The following EFR3B variants were observed in gnomAD, a reference collection of about 807,000 sequenced individuals.
The protein encoded by EFR3B is EFR3 homolog B, also known as protein EFR3 homolog B.
EFR3B carries 64 observed loss-of-function variants against 104.7 expected under a neutral mutation model. The ratio of observed to expected loss-of-function variants is 0.61; its 90% CI spans 0.50 to 0.75. The LOEUF (loss-of-function observed/expected upper bound fraction) is 0.75. Ranked by LOEUF, EFR3B falls within the 30% of genes least tolerant of loss-of-function variation. The pLI, the probability that EFR3B is intolerant of heterozygous loss-of-function variation, is 0.00. For missense variants in EFR3B, 750 were observed against 1,078.5 expected, an observed-to-expected ratio of 0.70 and a Z score of 4.27; for synonymous variants, 385 against 417.9, an observed-to-expected ratio of 0.92 and a Z score of 0.96.
intron 3 of EFR3B, among the ~76,000 whole-genome samples, chr2:25,100,727 C>T (rs780768879): frequency 6.6e-6 from 1 of 152,168 alleles, no homozygotes; most frequent in South Asian, 2.1e-4. Flanking sequence ...CTCCTGACCT[C>T]GTGATCTGCC....
Position 25,103,742 on chromosome 2 carries a change from G to T in EFR3B, c.318G>T (p.Leu106=), listed in dbSNP as rs1047260325. The change falls in exon 4 of 23, where the codon CTG becomes CTT. Residue 106 remains leucine (L), a synonymous_variant. Transcript: ENST00000403714. ...VESFLKMVAK[L]LESEKPNLQI... is the part of the protein sequence containing the mutation. The stretch of plus-strand genomic sequence containing the variant: ...GCTTCCTCAAGATGGTGGCCAAGCT[G>T]CTGGAGTCAGAGAAACCCAACCTGC... 3.2e-6 allele frequency: 5 copies of T among 1,551,744 alleles called. No homozygotes were observed. Among genetic ancestry groups the T allele is most frequent in the Middle Eastern group, 1.7e-4 (1 of 5,992 alleles).
chr2:25,132,724 C>T (rs1670386502), intron 10 of EFR3B, among the ~76,000 whole-genome samples, 179 bp from the exon 11 acceptor site: 1 of 152,146 alleles, frequency 6.6e-6, no homozygotes, highest in African/African-American at 2.4e-5. Flanking sequence ...TCCAAAACCA[C>T]CTGATGCCTC....
chr2:25,115,850 G>A (rs1040527845), intron 4 of EFR3B: 1 of 152,214 alleles, frequency 6.6e-6, no homozygotes, highest in Non-Finnish European at 1.5e-5. Flanking sequence ...TAGACTGTAG[G>A]TGTTAACTGG....
chr2:25,149,785 G>T, intron 20 of EFR3B, 43 bp downstream of exon 20: 2 of 1,537,180 alleles, frequency 1.3e-6, no homozygotes, highest in South Asian at 1.2e-5. Context: ...GCAAAATGGG[G>T]TGGGGTCCTT....
In EFR3B at chr2:25,128,121, C is replaced by T. The variant is rs894558853; in HGVS notation, c.486-62C>T. 3 of 1,538,508 alleles carry T rather than the reference C, an allele frequency of 1.9e-6. No homozygotes were observed. The African/African-American group carries it at 4.1e-5, about 21-fold the overall frequency. On this transcript the variant is annotated intron_variant, in intron 5 of 22. Transcript: ENST00000403714. The stretch of plus-strand genomic sequence containing the variant: ...CTAAGCTGTGCTCTTCTCTTAGCCA[C>T]CGAAGCTGGACTTCTCAGGGCTAGA...
chr2:25,151,768 G>C, intron 20 of EFR3B, 146 bp from the exon 21 acceptor site: 1 of 788,282 alleles, frequency 1.3e-6, no homozygotes, highest in Non-Finnish European at 1.9e-6. Context: ...GGCCAAGTGA[G>C]GGCACCGCAC....
At position 25,074,458 on chromosome 2, in the gene EFR3B, A is replaced by G. The variant is rs188297945; in HGVS notation, c.8-16867A>G. 4.7e-3 allele frequency among the ~76,000 whole-genome samples: 714 copies of G among 151,932 alleles called. 4 individuals are homozygous for G. The highest frequency in any genetic ancestry group is 0.016 in the African/African-American group (649 of 41,486). On this transcript the variant is annotated intron_variant, in intron 1 of 22. Transcript: ENST00000403714. The stretch of plus-strand genomic sequence containing the variant: ...TGTGTGCCTGTAATCCCAGCTACTC[A>G]GGAGGCTGAGGCAGGAGAATCGCTT...
Position 25,042,307 on chromosome 2 carries a change from G to A in EFR3B, c.-6G>A. ...CGGCCTCTCGAGAGGCGCGCGCCCC[G>A]CCGAGATGTACGGTAAGGAGGGCTC... On this transcript the variant is annotated 5_prime_UTR_variant, in exon 1 of 23. Coordinates refer to ENST00000403714, the MANE Select transcript of EFR3B (RefSeq NM_014971.2). The surrounding 1 kb of genome is among the most constrained non-coding windows in gnomAD (Gnocchi z 5.4). 1 of 1,290,462 alleles carries A rather than the reference G, an allele frequency of 7.7e-7. No individual in the cohort carries two copies. The highest frequency in any genetic ancestry group is 9.8e-7 in the Non-Finnish European group (1 of 1,020,730). 79.9% of individuals were successfully genotyped at this position (1,290,462 alleles called of 1,614,324 possible).
At chr2:25,056,266 T>C (rs1668018819) in intron 1 of EFR3B, among the ~76,000 whole-genome samples, 1 of 152,208 alleles carries the variant, frequency 6.6e-6, no homozygotes, top group African/African-American at 2.4e-5. Context: ...GACACAGCCC[T>C]CTGGCCTTCC....
rs1344385661 is a variant in EFR3B, at chr2:25,114,673, C to T, written c.364-7000C>T. On this transcript the variant is annotated intron_variant, in intron 4 of 22. Coordinates refer to ENST00000403714, the MANE Select transcript of EFR3B (RefSeq NM_014971.2). This position sits in a 1 kb window ranked among gnomAD's most constrained non-coding sequence, Gnocchi z 4.0. ...GGTTCAAGCCCAAACCACCCCAGTT[C>T]TCCCCTTCAGAGGAAGTGGCTGTCC... Among the ~76,000 whole-genome samples the T allele has an allele frequency of 6.6e-6, 1 of 152,198 alleles. No homozygotes were observed. Among genetic ancestry groups the T allele is most frequent in the Non-Finnish European group, 1.5e-5 (1 of 68,030 alleles).
At chr2:25,103,503 T>C in intron 3 of EFR3B, 134 bp from the exon 4 acceptor site, 3 of 1,254,602 alleles carry the variant, frequency 2.4e-6, no homozygotes, top group Non-Finnish European at 3.2e-6. Flanking sequence ...TATCCAGACG[T>C]TGGCAGCCTG....
intron 1 of EFR3B, among the ~76,000 whole-genome samples, chr2:25,051,988 G>C (rs1222340175): frequency 6.6e-6 from 1 of 151,070 alleles, no homozygotes; most frequent in Non-Finnish European, 1.5e-5. Flanking sequence ...CTGAGGTCAG[G>C]AGTTCAGGAC....
chr2:25,153,510 G>A lies in EFR3B; in HGVS notation c.2299-202G>A, dbSNP rs147553752. Reference sequence around the variant, plus strand: ...TGAGCCTCTGTCCTGTCCCCAGCCAGCCTTCAGTAGGTGGCTTTCCCTGAT... The same window carrying A: ...TGAGCCTCTGTCCTGTCCCCAGCCAACCTTCAGTAGGTGGCTTTCCCTGAT... On this transcript the variant is annotated intron_variant, in intron 21 of 22. Coordinates refer to ENST00000403714, the MANE Select transcript of EFR3B (RefSeq NM_014971.2). Among the ~76,000 whole-genome samples, 987 of 152,252 alleles carry A rather than the reference G, an allele frequency of 6.5e-3. 5 individuals are homozygous for A. Among genetic ancestry groups the A allele is most frequent in the Non-Finnish European group, 0.01 (695 of 68,004 alleles).
chr2:25,134,681 G>A (rs1670473774), intron 12 of EFR3B, among the ~76,000 whole-genome samples: 1 of 151,882 alleles, frequency 6.6e-6, no homozygotes, highest in African/African-American at 2.4e-5. Flanking sequence ...CATGGCACTA[G>A]ATTTTTATAA....
intron 1 of EFR3B, among the ~76,000 whole-genome samples, chr2:25,065,543 T>C (rs1164497400): frequency 6.6e-6 from 1 of 152,056 alleles, no homozygotes; most frequent in Non-Finnish European, 1.5e-5. Context: ...GAAGCTGAGA[T>C]TGCACCTTTC....
At chr2:25,120,869 G>T (rs1362731240) in intron 4 of EFR3B, among the ~76,000 whole-genome samples, 1 of 152,132 alleles carries the variant, frequency 6.6e-6, no homozygotes, top group Non-Finnish European at 1.5e-5. Flanking sequence ...TTTAAAAATG[G>T]ACTCCAATTT....
intron 1 of EFR3B, among the ~76,000 whole-genome samples, chr2:25,067,248 C>G (rs1189838700): frequency 6.6e-6 from 1 of 152,108 alleles, no homozygotes; most frequent in Admixed American, 6.6e-5. Flanking sequence ...GCACCCCCAC[C>G]CAGCTCTACT....
At chr2:25,149,668 G>T (rs970577777) in intron 19 of EFR3B, 26 bp from the exon 20 acceptor site, 1 of 1,550,988 alleles carries the variant, frequency 6.4e-7, no homozygotes, top group Non-Finnish European at 8.7e-7. Flanking sequence ...CTGCCTTTCT[G>T]AGCATCTCTG....
intron 21 of EFR3B, among the ~76,000 whole-genome samples, 170 bp downstream of exon 21, chr2:25,152,190 T>C (rs1399686577): frequency 1.3e-5 from 2 of 151,192 alleles, no homozygotes; most frequent in Non-Finnish European, 3.0e-5. Context: ...GCTCCGCTGT[T>C]GCCCTGCCAG....
Sources: allele counts gnomAD v4.1 joint callset (sites outside exome capture counted in the v4.1 genomes callset), GRCh38; gene constraint gnomAD v4.1.1; non-coding constraint Gnocchi (gnomAD v3.1); transcripts MANE v1.5; gene names NCBI Gene and HGNC (gene_info 2026-07-23, HGNC 2026-07-21).